Variants in MROH9 observed in about 807,000 individuals in gnomAD.
MROH9 encodes maestro heat like repeat family member 9.
In MROH9, 92 loss-of-function variants were observed where a neutral mutation model predicts 98.2. The observed-to-expected ratio is 0.94, with a 90% CI of 0.79 to 1.11. The LOEUF is 1.11. MROH9 is among the 50% of genes most tolerant of loss of function. The pLI is 0.00. For missense variants in MROH9, 1,057 were observed against 1,014.8 expected (o/e 1.04, Z -0.57); for synonymous variants, 397 against 368.9 (o/e 1.08, Z -0.87).
chr1:171,016,519 C>A, intron 17 of MROH9, among the ~76,000 whole-genome samples, 183 bp downstream of exon 17: 1 of 151,638 alleles, frequency 6.6e-6, no homozygotes, highest in Middle Eastern at 3.4e-3. Flanking sequence ...CTGTGAGAAC[C>A]TGGGGAAGAA....
chr1:171,020,331 T>C (rs1265709548), intron 17 of MROH9, among the ~76,000 whole-genome samples: 1 of 152,144 alleles, frequency 6.6e-6, no homozygotes, highest in East Asian at 1.9e-4. Flanking sequence ...TTCAGGGCAA[T>C]ATCCCTGATG....
chr1:170,971,104 C>T (rs571399413), intron 7 of MROH9, among the ~76,000 whole-genome samples: 9 of 152,250 alleles, frequency 5.9e-5, no homozygotes, highest in African/African-American at 2.2e-4. Context: ...ACTCCCTTCT[C>T]TGTTTGGATA....
intron 20 of MROH9, among the ~76,000 whole-genome samples, chr1:171,061,698 C>T (rs1654021060): frequency 6.6e-6 from 1 of 152,122 alleles, no homozygotes; most frequent in Non-Finnish European, 1.5e-5. Context: ...CTAGCCTCTG[C>T]CATGTAGCAA....
chr1:170,994,418 TTC>T (rs1557889424), intron 12 of MROH9, among the ~76,000 whole-genome samples: 1 of 152,226 alleles, frequency 6.6e-6, no homozygotes, highest in Non-Finnish European at 1.5e-5. Context: ...CTATGAAGTT[TTC>T]TGTCATGTGT....
chr1:171,039,194 G>A (rs372449434), intron 20 of MROH9, among the ~76,000 whole-genome samples: 11 of 152,254 alleles, frequency 7.2e-5, no homozygotes, highest in African/African-American at 2.4e-4. Flanking sequence ...CAAAAAAACA[G>A]TTTCCGTAGA....
At chr1:171,062,732 C>T (rs1654050091) in intron 21 of MROH9, among the ~76,000 whole-genome samples, 1 of 152,212 alleles carries the variant, frequency 6.6e-6, no homozygotes, top group Admixed American at 6.5e-5. Context: ...ATCGTCCCAT[C>T]AGGGTAAGAA....
At chr1:170,979,341 G>A (rs148739630) in intron 8 of MROH9, among the ~76,000 whole-genome samples, 1 of 152,170 alleles carries the variant, frequency 6.6e-6, no homozygotes, top group African/African-American at 2.4e-5. Flanking sequence ...TCAACATTGT[G>A]CAGAATAGAA....
chr1:170,990,896 T>C (rs1651331860), intron 11 of MROH9, among the ~76,000 whole-genome samples: 1 of 152,142 alleles, frequency 6.6e-6, no homozygotes, highest in African/African-American at 2.4e-5. Context: ...TCTAAACAAA[T>C]CACATAACTT....
intron 15 of MROH9, among the ~76,000 whole-genome samples, chr1:171,007,193 C>T (rs988863813): frequency 1.3e-5 from 2 of 152,150 alleles, no homozygotes; most frequent in African/African-American, 4.8e-5. Flanking sequence ...AGCTAGGGCA[C>T]CTGGGTGCTT....
At chr1:170,955,563 A>T (rs1649726247) in intron 3 of MROH9, among the ~76,000 whole-genome samples, 1 of 152,182 alleles carries the variant, frequency 6.6e-6, no homozygotes, top group Non-Finnish European at 1.5e-5. Flanking sequence ...CATTTCCCTA[A>T]TCATTAGTGA....
chr1:170,994,267 C>A lies in MROH9; in HGVS notation c.1195-1122C>A, dbSNP rs534771268. Among the ~76,000 whole-genome samples, 4 of 152,272 alleles carry A rather than the reference C, an allele frequency of 2.6e-5. No homozygotes were observed. In the East Asian group the frequency reaches 7.7e-4, roughly 29 times the overall value. On this transcript the variant is annotated intron_variant, in intron 12 of 21. Coordinates refer to ENST00000367759, the MANE Select transcript of MROH9 (RefSeq NM_001163629.2). Reference sequence around the variant, plus strand: ...TCCACCAAGGGATTTCAGATGACCACAATTATATAAGCTATTTCTTTGTGA... The same window carrying A: ...TCCACCAAGGGATTTCAGATGACCAAAATTATATAAGCTATTTCTTTGTGA...
At chr1:171,056,767 C>T (rs973046648) in intron 20 of MROH9, among the ~76,000 whole-genome samples, 3 of 152,198 alleles carry the variant, frequency 2.0e-5, no homozygotes. Context: ...AGGCACCCAT[C>T]TTTGCTGTTC....
intron 7 of MROH9, 86 bp from the exon 8 acceptor site, chr1:170,971,662 T>G: frequency 6.9e-7 from 1 of 1,450,566 alleles, no homozygotes; most frequent in Non-Finnish European, 9.5e-7. Context: ...AATCCTAGTC[T>G]GATTTATAAC....
intron 20 of MROH9, among the ~76,000 whole-genome samples, chr1:171,041,998 C>A (rs78079805): frequency 0.026 from 3,971 of 151,968 alleles, 164 homozygotes; most frequent in African/African-American, 0.089. Context: ...ACAAACAATC[C>A]AATCACACTA....
At chr1:170,998,747 T>G in intron 15 of MROH9, 4 of 987,210 alleles carry the variant, frequency 4.1e-6, no homozygotes, top group Non-Finnish European at 4.8e-6. Context: ...AATACTATAA[T>G]GGAATCAAGC....
chr1:171,058,369 C>T (rs1228115588), intron 20 of MROH9, among the ~76,000 whole-genome samples: 1 of 141,892 alleles, frequency 7.0e-6, no homozygotes, highest in Admixed American at 7.0e-5. Flanking sequence ...AAAGGAAAAA[C>T]ATTCCATCCT....
chr1:171,021,081 C>T (rs1227908995), intron 17 of MROH9, among the ~76,000 whole-genome samples: 1 of 152,054 alleles, frequency 6.6e-6, no homozygotes, highest in Non-Finnish European at 1.5e-5. Context: ...TTAAGGAGAA[C>T]TACAAACCAC....
At chr1:170,971,094 A>G (rs1571462106) in intron 7 of MROH9, among the ~76,000 whole-genome samples, 1 of 151,978 alleles carries the variant, frequency 6.6e-6, no homozygotes, top group East Asian at 1.9e-4. Context: ...TTCTCTCTCT[A>G]CTCCCTTCTC....
intron 20 of MROH9, among the ~76,000 whole-genome samples, chr1:171,032,963 C>T (rs1652973074): frequency 6.6e-6 from 1 of 152,186 alleles, no homozygotes; most frequent in African/African-American, 2.4e-5. Context: ...TGTCCCTGAG[C>T]CCCTGGCTGG....
Sources: allele counts gnomAD v4.1 joint callset (sites outside exome capture counted in the v4.1 genomes callset), GRCh38; gene constraint gnomAD v4.1.1; transcripts MANE v1.5; gene names NCBI Gene and HGNC (gene_info 2026-07-23, HGNC 2026-07-21).